GPC6: variants seen among roughly 807,000 people sequenced by gnomAD.
The protein encoded by GPC6 is glypican 6.
A neutral mutation model predicts 55.2 loss-of-function variants in GPC6; 14 were observed. That is an observed-to-expected ratio of 0.25 (90% CI 0.17 to 0.40). The LOEUF (loss-of-function observed/expected upper bound fraction) is 0.40, where lower values mean the gene tolerates loss of function less well. Ranked by LOEUF, GPC6 falls within the 10% of genes least tolerant of loss-of-function variation. The probability of loss-of-function intolerance (pLI) is 1.00; values close to 1 mark genes in which losing one functional copy is unlikely to be tolerated. For synonymous variants in GPC6, 278 were observed against 259.6 expected (o/e 1.07, Z -0.68); for missense variants, 641 against 708.5 (o/e 0.90, Z 1.08).
At chr13:93,962,651 T>G (rs747807776) in intron 3 of GPC6, among the ~76,000 whole-genome samples, 1 of 152,200 alleles carries the variant, frequency 6.6e-6, no homozygotes, top group East Asian at 1.9e-4. Flanking sequence ...ACATGTCCTT[T>G]GAAATTTGAA....
At chr13:93,838,658 G>C (rs967392365) in intron 3 of GPC6, among the ~76,000 whole-genome samples, 1 of 152,130 alleles carries the variant, frequency 6.6e-6, no homozygotes, top group African/African-American at 2.4e-5. Context: ...GCTGAAAGGA[G>C]ACACACTGAT....
chr13:93,890,207 G>T (rs919729470), intron 3 of GPC6, among the ~76,000 whole-genome samples: 2 of 151,980 alleles, frequency 1.3e-5, no homozygotes, highest in African/African-American at 2.4e-5. Flanking sequence ...ATTGTATTGC[G>T]CTGGAACTAA....
At chr13:93,653,299 A>G (rs1350942512) in intron 2 of GPC6, among the ~76,000 whole-genome samples, 2 of 152,202 alleles carry the variant, frequency 1.3e-5, no homozygotes. Flanking sequence ...GGCTTCTGGA[A>G]GAAATCTTGT....
chr13:93,272,924 T>C (rs1877586484), intron 1 of GPC6, among the ~76,000 whole-genome samples: 1 of 152,212 alleles, frequency 6.6e-6, no homozygotes, highest in African/African-American at 2.4e-5. Flanking sequence ...AAAGCTGGTA[T>C]TTGATTATCC....
chr13:93,677,156 T>C (rs1488198626), intron 2 of GPC6, among the ~76,000 whole-genome samples: 1 of 152,122 alleles, frequency 6.6e-6, no homozygotes, highest in Non-Finnish European at 1.5e-5. Context: ...GCAATAGTTT[T>C]AGTAATTTAG....
chr13:93,672,464 T>C (rs1881402128), intron 2 of GPC6, among the ~76,000 whole-genome samples: 1 of 151,970 alleles, frequency 6.6e-6, no homozygotes, highest in Non-Finnish European at 1.5e-5. Context: ...AGTTAAAGTA[T>C]GTTTTTTTGA....
chr13:94,113,081 A>G (rs553271049), intron 4 of GPC6, among the ~76,000 whole-genome samples: 1 of 152,298 alleles, frequency 6.6e-6, no homozygotes, highest in East Asian at 1.9e-4. Flanking sequence ...TAATTTCATT[A>G]AGAACTTTTT....
At position 93,983,194 on chromosome 13, in the gene GPC6, A is replaced by G. The variant is rs113708192; in HGVS notation, c.712-44535A>G. Reference sequence around the variant, plus strand: ...AAAAGAAAAGCTTGTGCAAGACCTGAACCTTGAGAATGTACATGTTAATCA... The same window carrying G: ...AAAAGAAAAGCTTGTGCAAGACCTGGACCTTGAGAATGTACATGTTAATCA... On this transcript the variant is annotated intron_variant, in intron 3 of 8. Coordinates refer to ENST00000377047, the MANE Select transcript of GPC6 (RefSeq NM_005708.5). Among the ~76,000 whole-genome samples the G allele has an allele frequency of 4.4e-3, 663 of 152,308 alleles. 1 individual carries two copies. Among genetic ancestry groups the G allele is most frequent in the Non-Finnish European group, 7.2e-3 (491 of 68,024 alleles).
chr13:94,349,390 C>T (rs1290925563), intron 6 of GPC6, among the ~76,000 whole-genome samples: 1 of 152,162 alleles, frequency 6.6e-6, no homozygotes, highest in African/African-American at 2.4e-5. Flanking sequence ...GCTTCTTCAT[C>T]TCCAACTTTT....
rs1890205618 is a variant in GPC6 at position 94,215,684 on chromosome 13, T to C, written c.878-70665T>C. Among the ~76,000 whole-genome samples the C allele has an allele frequency of 1.3e-5, 2 of 152,110 alleles. 1 individual carries two copies. Among genetic ancestry groups the C allele is most frequent in the Admixed American group, 1.3e-4 (2 of 15,260 alleles). On this transcript the variant is annotated intron_variant, in intron 4 of 8. Transcript: ENST00000377047. ...AGTTACAAAACTAACCACCAATTTA[T>C]TACATTTCATTACATTGAAGGGAAA...
intron 1 of GPC6, among the ~76,000 whole-genome samples, chr13:93,524,184 T>C (rs1048835746): frequency 6.6e-6 from 1 of 151,906 alleles, no homozygotes; most frequent in Non-Finnish European, 1.5e-5. Context: ...GGAGCTGAAA[T>C]ACCAGTAAAT....
Position 93,414,547 on chromosome 13 carries a change from CTG to C in GPC6, c.161-130713_161-130712del, listed in dbSNP as rs557248558. On this transcript the variant is annotated intron_variant, in intron 1 of 8. Coordinates refer to ENST00000377047, the MANE Select transcript of GPC6 (RefSeq NM_005708.5). ...AGAATTTAGAACAGTGATTGGCACA[CTG>C]TGGGTGTTGAGGAAATGTTTCACAA... Among the ~76,000 whole-genome samples, 415 of 152,208 alleles carry C rather than the reference CTG, an allele frequency of 2.7e-3. 3 individuals are homozygous for C. The highest frequency in any genetic ancestry group is 6.8e-3 in the Middle Eastern group (2 of 292).
intron 3 of GPC6, among the ~76,000 whole-genome samples, chr13:94,012,253 C>T (rs1019304927): frequency 1.3e-5 from 2 of 152,148 alleles, no homozygotes; most frequent in African/African-American, 4.8e-5. Flanking sequence ...TGATATTTCT[C>T]TTATTTTTTT....
rs184149283 is a variant in GPC6 at position 94,032,986 on chromosome 13, T to C, written c.877+5092T>C. Among the ~76,000 whole-genome samples, 476 of 152,202 alleles carry C rather than the reference T, an allele frequency of 3.1e-3. 1 individual carries two copies. The highest frequency in any genetic ancestry group is 5.1e-3 in the Non-Finnish European group (348 of 67,996). ...TACTAAGTGCCTACTGTGGACTTTG[T>C]TTTGGTTTAGGCATGGGAATGGAAT... is the stretch of plus-strand genomic sequence containing the variant. On this transcript the variant is annotated intron_variant, in intron 4 of 8. Coordinates refer to ENST00000377047, the MANE Select transcript of GPC6 (RefSeq NM_005708.5).
chr13:93,850,514 G>T (rs1485867945), intron 3 of GPC6, among the ~76,000 whole-genome samples: 1 of 151,778 alleles, frequency 6.6e-6, no homozygotes, highest in African/African-American at 2.4e-5. Context: ...TGTTTATTGA[G>T]AAAATAAAAC....
At chr13:93,619,734 G>A (rs996438623) in intron 2 of GPC6, among the ~76,000 whole-genome samples, 4 of 151,944 alleles carry the variant, frequency 2.6e-5, no homozygotes, top group Admixed American at 2.0e-4. Context: ...GCATGAGCCC[G>A]GCCTAAATGT....
intron 1 of GPC6, among the ~76,000 whole-genome samples, chr13:93,522,573 A>T (rs1056327019): frequency 1.3e-5 from 2 of 151,804 alleles, no homozygotes; most frequent in Non-Finnish European, 2.9e-5. Context: ...GATGTGTTTT[A>T]TTATATACTT....
At chr13:93,601,124 C>G (rs1400923458) in intron 2 of GPC6, among the ~76,000 whole-genome samples, 2 of 151,862 alleles carry the variant, frequency 1.3e-5, no homozygotes, top group African/African-American at 4.8e-5. Context: ...AGTGGTGGCT[C>G]ACATCTGTGA....
intron 1 of GPC6, among the ~76,000 whole-genome samples, chr13:93,299,415 G>C (rs1170069064): frequency 6.6e-6 from 1 of 152,200 alleles, no homozygotes; most frequent in Non-Finnish European, 1.5e-5. Flanking sequence ...ACATGAAAAT[G>C]TGGAAGGAAC....
Sources: allele counts gnomAD v4.1 joint callset (sites outside exome capture counted in the v4.1 genomes callset), GRCh38; gene constraint gnomAD v4.1.1; transcripts MANE v1.5; gene names NCBI Gene and HGNC (gene_info 2026-07-23, HGNC 2026-07-21).